TAF1L: variants seen among roughly 807,000 people sequenced by gnomAD.
The protein encoded by TAF1L is transcription initiation factor TFIID subunit 1-like.
Under a neutral mutation model 128.8 loss-of-function variants are expected in TAF1L, and 30 were observed. The observed-to-expected ratio is 0.23, with a 90% CI of 0.17 to 0.32. The LOEUF (loss-of-function observed/expected upper bound fraction) is 0.32, where lower values mean the gene tolerates loss of function less well. Among genes scored for constraint, TAF1L ranks in the 10% least tolerant of loss-of-function variants. The pLI is 1.00. For missense variants in TAF1L, 2,099 were observed against 2,253.7 expected, an observed-to-expected ratio of 0.93 and a Z score of 1.39; for synonymous variants, 764 against 790.7, an observed-to-expected ratio of 0.97 and a Z score of 0.57.
Position 32,632,370 on chromosome 9 carries a change from T to G in TAF1L, c.3210A>C (p.Ser1070=). The G allele has an allele frequency of 6.2e-7, 1 of 1,614,216 alleles. No homozygotes were observed. Among genetic ancestry groups the G allele is most frequent in the Non-Finnish European group, 8.5e-7 (1 of 1,180,032 alleles). The change falls in exon 1 of 1, where the codon TCA becomes TCC. Residue 1070 remains serine (S), a synonymous_variant. Transcript: ENST00000242310. The surrounding 1 kb of genome is among the most constrained non-coding windows in gnomAD (Gnocchi z 4.4). ...EGPMSKFARG[S]RFSVAEHQER... is the part of the protein sequence containing the mutation. ...CTTGATGCTCAGCCACAGAAAACCTTGATCCACGGGCAAATTTACTCATGG... is the reference window on the plus strand; with the variant it reads ...CTTGATGCTCAGCCACAGAAAACCTGGATCCACGGGCAAATTTACTCATGG...
rs1822512752 is a variant in TAF1L, at chr9:32,631,215, T to C, written c.4365A>G (p.Lys1455=). The change falls in exon 1 of 1, where the codon AAA becomes AAG. Residue 1455 remains lysine, a synonymous_variant. Transcript: ENST00000242310. This position sits in a 1 kb window ranked among gnomAD's most constrained non-coding sequence, Gnocchi z 4.1. ...DLQTLRENVR[K]CLYPSREEFR... is the part of the protein sequence containing the mutation. ...ACTCTTCCCGAGATGGGTAGAGGCA[T>C]TTACGCACATTTTCACGGAGTGTTT... is the stretch of plus-strand genomic sequence containing the variant. The C allele has an allele frequency of 6.2e-7, 1 of 1,614,060 alleles. No individual in the cohort carries two copies. The highest frequency in any genetic ancestry group is 1.3e-5 in the African/African-American group (1 of 74,900).
Position 32,630,729 on chromosome 9 carries a change from G to A in TAF1L, c.4851C>T (p.Asn1617=), listed in dbSNP as rs1239003856. 6.2e-7 allele frequency: 1 copy of A among 1,614,018 alleles called. No individual in the cohort carries two copies. Among genetic ancestry groups the A allele is most frequent in the African/African-American group, 1.3e-5 (1 of 74,902 alleles). ...ACTCAGTAATTGTCTGGTAACAGAT[G>A]TTCACAATCTCCTGAGCAGTCTTAG... ...QYTKTAQEIV[N]ICYQTITEYD... The change falls in exon 1 of 1, where the codon AAC becomes AAT. Residue 1617 remains asparagine, a synonymous_variant. Transcript: ENST00000242310.
At position 32,635,569 on chromosome 9, in the gene TAF1L, C is replaced by G; in HGVS notation, c.11G>C (p.Gly4Ala). Reference sequence around the variant, plus strand: ...TGCTGCCCTCAGCAGCAAATCGCAGCCGGGTCGCATAAACCGGAAATAAAA... The same window carrying G: ...TGCTGCCCTCAGCAGCAAATCGCAGGCGGGTCGCATAAACCGGAAATAAAA... MRP[G>A]CDLLLRAAAT... Residue 4 changes from glycine (G) to alanine (A), a missense_variant, in exon 1 of 1, where the codon GGC becomes GCC. Gly to Ala is a moderately conservative substitution (Grantham distance 60, BLOSUM62 0). Transcript: ENST00000242310. 1.2e-6 allele frequency: 2 copies of G among 1,612,914 alleles called. No homozygotes were observed. Among genetic ancestry groups the G allele is most frequent in the Admixed American group, 1.7e-5 (1 of 59,956 alleles).
In TAF1L at chr9:32,632,985, T is replaced by C. The variant is rs1442752254; in HGVS notation, c.2595A>G (p.Leu865=). Reference sequence around the variant, plus strand: ...TGCGTTTGAAGTCAGCGCAGAGCTTTAGCCTCTTCCGGATGCTGCTTTCTG... The same window carrying C: ...TGCGTTTGAAGTCAGCGCAGAGCTTCAGCCTCTTCCGGATGCTGCTTTCTG... The part of the protein sequence containing the change: ...SHSESSIRKR[L]KLCADFKRTG... The change falls in exon 1 of 1, where the codon CTA becomes CTG. Residue 865 remains leucine (L), a synonymous_variant. Coordinates refer to ENST00000242310, the MANE Select transcript of TAF1L (RefSeq NM_153809.2). The surrounding 1 kb of genome is among the most constrained non-coding windows in gnomAD (Gnocchi z 4.4). 3 of 1,614,226 alleles carry C rather than the reference T, an allele frequency of 1.9e-6. No homozygotes were observed. Among genetic ancestry groups the C allele is most frequent in the South Asian group, 2.2e-5 (2 of 91,088 alleles).
chr9:32,634,714 A>G lies in TAF1L; in HGVS notation c.866T>C (p.Ile289Thr). The G allele has an allele frequency of 3.7e-6, 6 of 1,614,146 alleles. No individual in the cohort carries two copies. Among genetic ancestry groups the G allele is most frequent in the Non-Finnish European group, 5.1e-6 (6 of 1,180,024 alleles). ...CACCTCCTGGATCTGCTCTTCCTGT[A>G]TCAGCTCACGATGCTTCTTCCTCTT... ...RRKRKKHREL[I>T]QEEQIQEVEC... is the part of the protein sequence containing the mutation. Residue 289 changes from isoleucine (I) to threonine (T), a missense_variant, in exon 1 of 1, where the codon ATA (isoleucine) becomes ACA (threonine). By Grantham distance (89) the Ile-to-Thr change is moderately conservative. Around this residue, in one of 4 missense-constraint regions of TAF1L, gnomAD observed 473 missense variants for 429.6 expected, o/e 1.10. Coordinates refer to ENST00000242310, the MANE Select transcript of TAF1L (RefSeq NM_153809.2).
rs898033698 is a variant in TAF1L at position 32,634,434 on chromosome 9, G to A, written c.1146C>T (p.Asp382=). The stretch of plus-strand genomic sequence containing the variant: ...GTGTCTTTCTCAGTTTGAAGCCATA[G>A]TCAAACCCACTGCCATCTTCGGAGA... ...LGVSEDGSGF[D]YGFKLRKTQH... is the part of the protein sequence containing the mutation. The change falls in exon 1 of 1, where the codon GAC becomes GAT. Residue 382 remains aspartate, a synonymous_variant. Transcript: ENST00000242310. 72 of 1,614,140 alleles carry A rather than the reference G, an allele frequency of 4.5e-5. No individual in the cohort carries two copies. The highest frequency in any genetic ancestry group is 5.9e-5 in the Non-Finnish European group (70 of 1,180,030).
Position 32,630,533 on chromosome 9 carries a change from C to T in TAF1L, c.5047G>A (p.Val1683Ile). ...TSLSTSRDAS[V>I]FQDESNLSVL... The stretch of plus-strand genomic sequence containing the variant: ...GACAAATTGCTCTCATCTTGAAATA[C>T]AGAGGCATCTCGAGACGTACTGAGG... The change falls in exon 1 of 1, where the codon GTA becomes ATA. Residue 1683 changes from valine (V) to isoleucine (I), a missense_variant. Val to Ile is a conservative substitution (Grantham distance 29). Transcript: ENST00000242310. 2 of 1,614,216 alleles carry T rather than the reference C, an allele frequency of 1.2e-6. No individual in the cohort carries two copies. Among genetic ancestry groups the T allele is most frequent in the African/African-American group, 1.3e-5 (1 of 75,052 alleles).
In TAF1L at chr9:32,632,485, G is replaced by A; in HGVS notation, c.3095C>T (p.Pro1032Leu). Residue 1032 changes from proline (P) to leucine (L), a missense_variant, in exon 1 of 1, where the codon CCT becomes CTT. Physicochemically the swap from Pro to Leu is moderately conservative, Grantham distance 98. Coordinates refer to ENST00000242310, the MANE Select transcript of TAF1L (RefSeq NM_153809.2). This position sits in a 1 kb window ranked among gnomAD's most constrained non-coding sequence, Gnocchi z 4.4. Reference sequence around the variant, plus strand: ...GGACAACTTTTTAATCTCTTCCTCAGGCACACCAAATTTACGTAGAAGTTG... The same window carrying A: ...GGACAACTTTTTAATCTCTTCCTCAAGCACACCAAATTTACGTAGAAGTTG... ...AKQLLRKFGVPEEEIKKLSRW... is the reference protein window; with the variant it reads ...AKQLLRKFGVLEEEIKKLSRW... The A allele has an allele frequency of 1.2e-6, 2 of 1,614,168 alleles. No individual in the cohort carries two copies. The highest frequency in any genetic ancestry group is 1.7e-6 in the Non-Finnish European group (2 of 1,180,046).
Position 32,630,949 on chromosome 9 carries a change from G to A in TAF1L, c.4631C>T (p.Ser1544Phe), listed in dbSNP as rs767720753. The stretch of plus-strand genomic sequence containing the variant: ...ATTAACTGGGTGATGAAATGGCCAA[G>A]AATCTGGAACTGCCATCATTTTCTG... ...VTQKMMAVPD[S>F]WPFHHPVNKK... The change falls in exon 1 of 1, where the codon TCT (serine) becomes TTT (phenylalanine). Residue 1544 changes from serine (S) to phenylalanine (F), a missense_variant. Around this residue, in one of 4 missense-constraint regions of TAF1L, gnomAD observed 404 missense variants for 406.5 expected, o/e 0.99. Transcript: ENST00000242310. The A allele has an allele frequency of 6.2e-7, 1 of 1,614,116 alleles. No individual in the cohort carries two copies. The highest frequency in any genetic ancestry group is 8.5e-7 in the Non-Finnish European group (1 of 1,180,060).
Position 32,634,651 on chromosome 9 carries a change from A to C in TAF1L, c.929T>G (p.Leu310Trp). The change falls in exon 1 of 1, where the codon TTG becomes TGG. Residue 310 changes from leucine to tryptophan, a missense_variant. Leu to Trp is a moderately conservative substitution (Grantham distance 61). Transcript: ENST00000242310. The part of the protein sequence containing the change: ...SVESEVSQKS[L>W]WNYDYAPPPP... ...TGGTGGAGCATAGTCATAGTTCCAC[A>C]AAGACTTCTGGCTGACTTCTGATTC... 2 of 1,613,998 alleles carry C rather than the reference A, an allele frequency of 1.2e-6. No individual in the cohort carries two copies. The highest frequency in any genetic ancestry group is 1.7e-6 in the Non-Finnish European group (2 of 1,180,002).
In TAF1L at chr9:32,632,634, G is replaced by A; in HGVS notation, c.2946C>T (p.Phe982=). The change falls in exon 1 of 1, where the codon TTC becomes TTT. Residue 982 remains phenylalanine, a synonymous_variant. Coordinates refer to ENST00000242310, the MANE Select transcript of TAF1L (RefSeq NM_153809.2). The surrounding 1 kb of genome is among the most constrained non-coding windows in gnomAD (Gnocchi z 4.4). ...GTTTATTTGGAATCTTCACATAGGA[G>A]AATCCTTCACCACACCCTGTGGGAT... ...VADPTGCGEG[F]SYVKIPNKPT... 3 of 1,614,172 alleles carry A rather than the reference G, an allele frequency of 1.9e-6. No homozygotes were observed. Among genetic ancestry groups the A allele is most frequent in the Middle Eastern group, 3.3e-4 (2 of 6,062 alleles).
Position 32,635,340 on chromosome 9 carries a change from G to T in TAF1L, c.240C>A (p.Leu80=), listed in dbSNP as rs1237828291. Residue 80 remains leucine (L), a synonymous_variant, in exon 1 of 1, where the codon CTC becomes CTA. Transcript: ENST00000242310. ...TCCCAGTCAATTCTTCATTTGCCGT[G>T]AGTTCAGTGATTAGGCTGCCCAGCC... ...ALGLGSLITE[L]TANEELTGTG... is the part of the protein sequence containing the mutation. 1.2e-6 allele frequency: 2 copies of T among 1,614,148 alleles called. No homozygotes were observed. The highest frequency in any genetic ancestry group is 1.7e-6 in the Non-Finnish European group (2 of 1,180,028).
Position 32,633,230 on chromosome 9 carries a change from T to G in TAF1L, c.2350A>C (p.Ile784Leu). The G allele has an allele frequency of 6.2e-7, 1 of 1,614,182 alleles. No homozygotes were observed. Among genetic ancestry groups the G allele is most frequent in the Non-Finnish European group, 8.5e-7 (1 of 1,180,038 alleles). Reference protein sequence around the residue: ...HKMPETDFLIIRTRQGYYIRE... With the variant: ...HKMPETDFLILRTRQGYYIRE... ...ATATAGTAACCCTGTCTTGTCCGAA[T>G]GATCAGAAAATCAGTTTCTGGCATC... is the stretch of plus-strand genomic sequence containing the variant. The change falls in exon 1 of 1, where the codon ATT becomes CTT. Residue 784 changes from isoleucine to leucine, a missense_variant. By Grantham distance (5) the Ile-to-Leu change is conservative. Transcript: ENST00000242310.
Position 32,633,068 on chromosome 9 carries a change from T to C in TAF1L, c.2512A>G (p.Lys838Glu), listed in dbSNP as rs1398715668. 4 of 1,614,092 alleles carry C rather than the reference T, an allele frequency of 2.5e-6. No individual in the cohort carries two copies. The highest frequency in any genetic ancestry group is 1.7e-5 in the Admixed American group (1 of 60,004). ...ATTCGTATCCTCCGTGGCCGATCTT[T>C]ACTCTTCCAGAAAAGGCGGTAAATA... ...VFIYRLFWKS[K>E]DRPRRIRMED... is the part of the protein sequence containing the mutation. The change falls in exon 1 of 1, where the codon AAA (lysine) becomes GAA (glutamate). Residue 838 changes from lysine to glutamate, a missense_variant. Around this residue, in one of 4 missense-constraint regions of TAF1L, gnomAD observed 1,213 missense variants for 1,391.4 expected, o/e 0.87. Coordinates refer to ENST00000242310, the MANE Select transcript of TAF1L (RefSeq NM_153809.2).
chr9:32,632,270 T>C lies in TAF1L; in HGVS notation c.3310A>G (p.Thr1104Ala). 1 of 1,614,248 alleles carries C rather than the reference T, an allele frequency of 6.2e-7. No homozygotes were observed. Among genetic ancestry groups the C allele is most frequent in the Non-Finnish European group, 8.5e-7 (1 of 1,180,046 alleles). ...KVLSSTEVLSTDTDSISAEDS... is the reference protein window; with the variant it reads ...KVLSSTEVLSADTDSISAEDS... ...TCAGCTGAGATGCTGTCTGTGTCAGTTGATAAGACCTCAGTTGATGACAGA... is the reference window on the plus strand; with the variant it reads ...TCAGCTGAGATGCTGTCTGTGTCAGCTGATAAGACCTCAGTTGATGACAGA... The change falls in exon 1 of 1, where the codon ACT (threonine) becomes GCT (alanine). Residue 1104 changes from threonine to alanine, a missense_variant. Around this residue, in one of 4 missense-constraint regions of TAF1L, gnomAD observed 1,213 missense variants for 1,391.4 expected, o/e 0.87. Coordinates refer to ENST00000242310, the MANE Select transcript of TAF1L (RefSeq NM_153809.2). The surrounding 1 kb of genome is among the most constrained non-coding windows in gnomAD (Gnocchi z 4.4).
chr9:32,634,982 C>T lies in TAF1L; in HGVS notation c.598G>A (p.Val200Met), dbSNP rs1396927486. The change falls in exon 1 of 1, where the codon GTG becomes ATG. Residue 200 changes from valine to methionine, a missense_variant. Around this residue, in one of 4 missense-constraint regions of TAF1L, gnomAD observed 473 missense variants for 429.6 expected, o/e 1.10. Transcript: ENST00000242310. Reference protein sequence around the residue: ...IAPSFLASEKVDFSSYSDSES... With the variant: ...IAPSFLASEKMDFSSYSDSES... ...GAATCAGAGTAACTACTGAAATCCA[C>T]TTTCTCTGAGGCCAAAAAGGAAGGG... 57 of 1,614,038 alleles carry T rather than the reference C, an allele frequency of 3.5e-5. No individual in the cohort carries two copies. The highest frequency in any genetic ancestry group is 4.7e-5 in the Non-Finnish European group (55 of 1,180,040).
rs760628590 is a variant in TAF1L, at chr9:32,633,585, C to CT, written c.1994dup (p.Ala666GlyfsTer38). On this transcript the variant is annotated frameshift_variant, in exon 1 of 1. Coordinates refer to ENST00000242310, the MANE Select transcript of TAF1L (RefSeq NM_153809.2). LOFTEE classifies it high-confidence loss of function. ...GCCTCTCTTGTTCTCTCATCTTGGCCTTTTTTTTGATGTGCTTTAGCAAAG... is the reference window on the plus strand; with the variant it reads ...GCCTCTCTTGTTCTCTCATCTTGGCCTTTTTTTTTGATGTGCTTTAGCAAAG... 6 of 1,613,748 alleles carry CT rather than the reference C, an allele frequency of 3.7e-6. No homozygotes were observed. The highest frequency in any genetic ancestry group is 2.2e-5 in the East Asian group (1 of 44,884).
chr9:32,631,646 C>T lies in TAF1L; in HGVS notation c.3934G>A (p.Val1312Ile). Residue 1312 changes from valine (V) to isoleucine (I), a missense_variant, in exon 1 of 1, where the codon GTT (valine) becomes ATT (isoleucine). By Grantham distance (29) the Val-to-Ile change is conservative. This residue lies in a region of TAF1L where 1,213 missense variants were observed against 1,391.4 expected (regional missense o/e 0.87). Transcript: ENST00000242310. The surrounding 1 kb of genome is among the most constrained non-coding windows in gnomAD (Gnocchi z 4.1). ...TCCTCCTGCTCTTCTGTCATGGCAACAGGTTTCGAAGGTGGCACATTTGTT... is the reference window on the plus strand; with the variant it reads ...TCCTCCTGCTCTTCTGTCATGGCAATAGGTTTCGAAGGTGGCACATTTGTT... ...YQTNVPPSKP[V>I]AMTEEQEEEL... is the part of the protein sequence containing the mutation. 6.2e-7 allele frequency: 1 copy of T among 1,614,154 alleles called. No individual in the cohort carries two copies. Among genetic ancestry groups the T allele is most frequent in the Non-Finnish European group, 8.5e-7 (1 of 1,180,034 alleles).
chr9:32,632,707 A>G lies in TAF1L; in HGVS notation c.2873T>C (p.Ile958Thr), dbSNP rs1822533337. 10 of 1,614,182 alleles carry G rather than the reference A, an allele frequency of 6.2e-6. No homozygotes were observed. The highest frequency in any genetic ancestry group is 8.5e-6 in the Non-Finnish European group (10 of 1,180,016). The change falls in exon 1 of 1, where the codon ATT becomes ACT. Residue 958 changes from isoleucine (I) to threonine (T), a missense_variant. By Grantham distance (89) the Ile-to-Thr change is moderately conservative (BLOSUM62 -1). Around this residue, in one of 4 missense-constraint regions of TAF1L, gnomAD observed 1,213 missense variants for 1,391.4 expected, o/e 0.87. Transcript: ENST00000242310. This position sits in a 1 kb window ranked among gnomAD's most constrained non-coding sequence, Gnocchi z 4.4. ...AAPWNTTRAF[I>T]AAMKGKCLLE... ...GAGACACTTGCCCTTCATGGCAGCA[A>G]TGAAGGCCCTTGTGGTGTTCCAAGG...
Sources: gnomAD v4.1 joint callset for allele counts on GRCh38, gnomAD v4.1.1 for gene constraint, gnomAD v4.1.1 regional missense constraint, Gnocchi (gnomAD v3.1) non-coding constraint, MANE v1.5 for transcripts, NCBI Gene and HGNC (gene_info 2026-07-23, HGNC 2026-07-21) for gene names.